Variants in RAB4A observed in about 807,000 individuals in gnomAD.
RAB4A encodes RAB4A, member RAS oncogene family, also known as ras-related protein Rab-4A.
In RAB4A, 20 loss-of-function variants were observed where a neutral mutation model predicts 34.5. The ratio of observed to expected loss-of-function variants is 0.58; its 90% CI spans 0.41 to 0.84. RAB4A has a LOEUF of 0.84. Among genes scored for constraint, RAB4A ranks in the 40% least tolerant of loss-of-function variants. RAB4A has a pLI of 0.00. For synonymous variants in RAB4A, 102 were observed against 100.0 expected (o/e 1.02, Z -0.12); for missense variants, 228 against 274.5 (o/e 0.83, Z 1.20).
chr1:229,294,316 G>A (rs1019392297), intron 3 of RAB4A, among the ~76,000 whole-genome samples: 1 of 152,212 alleles, frequency 6.6e-6, no homozygotes, highest in Non-Finnish European at 1.5e-5. Flanking sequence ...ATCCCAGCAG[G>A]GCAGATTCAG....
intron 1 of RAB4A, among the ~76,000 whole-genome samples, chr1:229,280,979 G>A (rs1255466372): frequency 6.6e-6 from 1 of 152,124 alleles, no homozygotes; most frequent in African/African-American, 2.4e-5. Context: ...TTATTTCCGA[G>A]TAGCATTTCT....
intron 1 of RAB4A, among the ~76,000 whole-genome samples, chr1:229,278,648 C>A (rs1464845717): frequency 1.3e-5 from 2 of 152,240 alleles, no homozygotes; most frequent in Non-Finnish European, 2.9e-5. Context: ...CTTCACCCAT[C>A]ATGTCTGTTC....
chr1:229,292,807 A>G (rs988375292), intron 3 of RAB4A, among the ~76,000 whole-genome samples: 4 of 151,832 alleles, frequency 2.6e-5, no homozygotes, highest in East Asian at 1.9e-4. Flanking sequence ...CATCAAGTCT[A>G]TGGGGTTTTT....
chr1:229,305,023 C>T lies in RAB4A; in HGVS notation c.*1230C>T. On this transcript the variant is annotated 3_prime_UTR_variant, in exon 8 of 8. Coordinates refer to ENST00000366690, the MANE Select transcript of RAB4A (RefSeq NM_004578.4). ...TCTTCACCTTATATATGTTCTTCCA[C>T]TGTGACTTTTTAGTTGAAGACTAGT... 8.0e-7 allele frequency: 1 copy of T among 1,251,060 alleles called. No individual in the cohort carries two copies. The highest frequency in any genetic ancestry group is 1.0e-6 in the Non-Finnish European group (1 of 953,128). The allele number at this position is 1,251,060 out of a possible 1,614,324, so 77.5% of individuals were successfully genotyped here. A position where few individuals can be genotyped will look rare whatever the true frequency, so the allele number is the denominator to read the frequency against.
intron 1 of RAB4A, among the ~76,000 whole-genome samples, chr1:229,272,451 G>A (rs576419668): frequency 6.6e-6 from 1 of 152,278 alleles, no homozygotes; most frequent in South Asian, 2.1e-4. Flanking sequence ...CACGGCTCTG[G>A]TCTCATGGAG....
At position 229,288,752 on chromosome 1, in the gene RAB4A, A is replaced by G. The variant is rs180963002; in HGVS notation, c.136A>G (p.Ile46Val). Reference sequence around the variant, plus strand: ...AGTCAAAGATGACTCAAATCATACAATAGGAGTGGAATTTGGTTCAAAGAT... The same window carrying G: ...AGTCAAAGATGACTCAAATCATACAGTAGGAGTGGAATTTGGTTCAAAGAT... ...KKFKDDSNHTIGVEFGSKIIN... is the reference protein window; with the variant it reads ...KKFKDDSNHTVGVEFGSKIIN... The change falls in exon 3 of 8, where the codon ATA becomes GTA. Residue 46 changes from isoleucine to valine, a missense_variant. Coordinates refer to ENST00000366690, the MANE Select transcript of RAB4A (RefSeq NM_004578.4). 3 of 1,572,182 alleles carry G rather than the reference A, an allele frequency of 1.9e-6. No individual in the cohort carries two copies. The African/African-American group carries it at 4.1e-5, about 21-fold the overall frequency.
intron 6 of RAB4A, 143 bp downstream of exon 6, chr1:229,299,215 G>T: frequency 1.6e-6 from 1 of 612,548 alleles, no homozygotes; most frequent in Non-Finnish European, 2.8e-6. Context: ...TCACATATGG[G>T]TTCAAAGGTC....
At chr1:229,295,994 G>T in intron 4 of RAB4A, 84 bp downstream of exon 4, 2 of 1,421,352 alleles carry the variant, frequency 1.4e-6, no homozygotes, top group South Asian at 2.4e-5. Flanking sequence ...CCTCCGTGCA[G>T]TGTGTGCTTT....
chr1:229,280,016 G>T (rs545319068), intron 1 of RAB4A, among the ~76,000 whole-genome samples: 1 of 152,240 alleles, frequency 6.6e-6, no homozygotes, highest in African/African-American at 2.4e-5. Context: ...CTATTCACCT[G>T]TTCCTGTTAA....
At position 229,271,390 on chromosome 1, in the gene RAB4A, G is replaced by A; in HGVS notation, c.31+20G>A. ...CCTACGGTACGAGGCCCGGGCTGGC[G>A]GGGCGCGCGGGTCGGGCCGCGGGGG... On this transcript the variant is annotated intron_variant, in intron 1 of 7. Transcript: ENST00000366690. 1 of 1,221,636 alleles carries A rather than the reference G, an allele frequency of 8.2e-7. No homozygotes were observed. 75.7% of individuals were successfully genotyped at this position (1,221,636 alleles called of 1,614,324 possible). A position where few individuals can be genotyped will look rare whatever the true frequency, so the allele number is the denominator to read the frequency against.
At chr1:229,298,787 G>C (rs1449469258) in intron 5 of RAB4A, among the ~76,000 whole-genome samples, 190 bp from the exon 6 acceptor site, 1 of 152,156 alleles carries the variant, frequency 6.6e-6, no homozygotes, top group East Asian at 1.9e-4. Flanking sequence ...TTCAGAAAAG[G>C]CTAAAATTCT....
At chr1:229,296,010 TC>T in intron 4 of RAB4A, 100 bp downstream of exon 4, 2 of 1,248,778 alleles carry the variant, frequency 1.6e-6, no homozygotes, top group Non-Finnish European at 2.3e-6. Flanking sequence ...GCTTTGTGTG[TC>T]CAGGGACGGT....
intron 6 of RAB4A, among the ~76,000 whole-genome samples, chr1:229,300,987 A>C (rs1446570757): frequency 6.6e-6 from 1 of 152,152 alleles, no homozygotes; most frequent in Non-Finnish European, 1.5e-5. Flanking sequence ...AAATCAAAGG[A>C]GTGTTCATTA....
chr1:229,302,952 C>G lies in RAB4A; in HGVS notation c.632C>G (p.Pro211Arg), dbSNP rs754919585. The G allele has an allele frequency of 3.7e-6, 6 of 1,613,764 alleles. No homozygotes were observed. Among genetic ancestry groups the G allele is most frequent in the Non-Finnish European group, 5.1e-6 (6 of 1,179,888 alleles). The change falls in exon 7 of 8, where the codon CCG becomes CGG. Residue 211 changes from proline to arginine, a missense_variant. Coordinates refer to ENST00000366690, the MANE Select transcript of RAB4A (RefSeq NM_004578.4). Reference protein sequence around the residue: ...QLRSPRRAQAPNAQECGC With the variant: ...QLRSPRRAQARNAQECGC ...AGGTCACCGCGGCGCGCACAGGCCC[C>G]GAACGCTCAGGAGTGTGGTTGTTAG...
In RAB4A at chr1:229,303,631, C is replaced by A. The variant is rs570656888; in HGVS notation, c.*13-175C>A. Among the ~76,000 whole-genome samples, 43 of 152,286 alleles carry A rather than the reference C, an allele frequency of 2.8e-4. 1 individual carries two copies. The South Asian group carries it at 6.6e-3, about 23-fold the overall frequency. ...GTCTCCCTTTAACTTTTTAAAGCTTCTTCTTTTTTCCCATTTACCACAGTG... is the reference window on the plus strand; with the variant it reads ...GTCTCCCTTTAACTTTTTAAAGCTTATTCTTTTTTCCCATTTACCACAGTG... On this transcript the variant is annotated intron_variant, in intron 7 of 7. Coordinates refer to ENST00000366690, the MANE Select transcript of RAB4A (RefSeq NM_004578.4).
intron 1 of RAB4A, 44 bp from the exon 2 acceptor site, chr1:229,286,442 G>A (rs770338151): frequency 5.1e-6 from 6 of 1,177,076 alleles, no homozygotes; most frequent in East Asian, 2.5e-5. Context: ...GAAATTCACA[G>A]CACTATTTTG....
intron 1 of RAB4A, among the ~76,000 whole-genome samples, chr1:229,271,578 G>A (rs893822401): frequency 1.3e-5 from 2 of 152,142 alleles, no homozygotes; most frequent in Admixed American, 1.3e-4. Context: ...CGCGGGGCGC[G>A]GGGGCGCTGT....
intron 3 of RAB4A, among the ~76,000 whole-genome samples, chr1:229,293,109 T>G (rs571181051): frequency 1.5e-4 from 23 of 152,298 alleles, no homozygotes; most frequent in Non-Finnish European, 2.9e-4. Context: ...ATTTACTGGT[T>G]TGTTAGATAG....
Position 229,290,263 on chromosome 1 carries a change from G to A in RAB4A, c.227+1420G>A, listed in dbSNP as rs144457443. 1.1e-3 allele frequency among the ~76,000 whole-genome samples: 175 copies of A among 152,244 alleles called. 3 individuals are homozygous for A. Among genetic ancestry groups the A allele is most frequent in the African/African-American group, 3.7e-3 (155 of 41,540 alleles). ...CGTTGAAATGGAGTCTAGACTCAAG[G>A]TCATAAGGCCCACCTGAGGGCATGG... On this transcript the variant is annotated intron_variant, in intron 3 of 7. Coordinates refer to ENST00000366690, the MANE Select transcript of RAB4A (RefSeq NM_004578.4).
Sources: gnomAD v4.1 joint callset for allele counts (sites outside exome capture counted in the v4.1 genomes callset) on GRCh38, gnomAD v4.1.1 for gene constraint, MANE v1.5 for transcripts, NCBI Gene and HGNC (gene_info 2026-07-23, HGNC 2026-07-21) for gene names.